PRSS35: variants seen among roughly 807,000 people sequenced by gnomAD.
The protein encoded by PRSS35 is serine protease 35, also known as inactive serine protease 35.
PRSS35 carries 7 observed loss-of-function variants against 8.1 expected under a neutral mutation model. The ratio of observed to expected loss-of-function variants is 0.86; its 90% CI spans 0.49 to 1.62. The LOEUF is 1.62. Among genes scored for constraint, PRSS35 ranks in the 40% most tolerant of loss-of-function variants. The pLI is 0.00. For synonymous variants in PRSS35, 199 were observed against 188.7 expected (o/e 1.05, Z -0.45); for missense variants, 566 against 518.0 (o/e 1.09, Z -0.90).
chr6:83,518,602 AAAAAC>A (rs1298367449), intron 1 of PRSS35, among the ~76,000 whole-genome samples: 1 of 152,244 alleles, frequency 6.6e-6, no homozygotes, highest in African/African-American at 2.4e-5. Context: ...TCCTTGAACG[AAAAAC>A]AAAACAAAGA....
At chr6:83,521,795 C>T (rs1771827044) in intron 1 of PRSS35, among the ~76,000 whole-genome samples, 1 of 152,074 alleles carries the variant, frequency 6.6e-6, no homozygotes, top group African/African-American at 2.4e-5. Flanking sequence ...AGCTACCACA[C>T]CCGGCCTGCT....
In PRSS35 at chr6:83,523,811, G is replaced by T; in HGVS notation, c.370G>T (p.Val124Leu). 6.2e-7 allele frequency: 1 copy of T among 1,614,186 alleles called. No individual in the cohort carries two copies. Among genetic ancestry groups the T allele is most frequent in the Non-Finnish European group, 8.5e-7 (1 of 1,180,042 alleles). The part of the protein sequence containing the change: ...KGVSVRRKRQ[V>L]YGTDSRFSIL... ...AGTATCTGTTAGGAGAAAGAGACAG[G>T]TGTATGGCACCGACAGCAGGTTCAG... Residue 124 changes from valine (V) to leucine (L), a missense_variant, in exon 2 of 2, where the codon GTG becomes TTG. Val to Leu is a conservative substitution (Grantham distance 32). Transcript: ENST00000369700.
chr6:83,517,894 C>T (rs1771751494), intron 1 of PRSS35, among the ~76,000 whole-genome samples: 1 of 152,174 alleles, frequency 6.6e-6, no homozygotes, highest in Admixed American at 6.5e-5. Flanking sequence ...TGAGTAATTC[C>T]TGACCCACAG....
At position 83,524,631 on chromosome 6, in the gene PRSS35, C is replaced by T; in HGVS notation, c.1190C>T (p.Ala397Val). 1 of 1,613,608 alleles carries T rather than the reference C, an allele frequency of 6.2e-7. No homozygotes were observed. Among genetic ancestry groups the T allele is most frequent in the Non-Finnish European group, 8.5e-7 (1 of 1,179,850 alleles). The stretch of plus-strand genomic sequence containing the variant: ...GTTCGCATCACTCCCCTAAAATACG[C>T]CCAGATTTGCCTCTGGATTCACGGG... ...VAVRITPLKY[A>V]QICLWIHGND... is the part of the protein sequence containing the mutation. Residue 397 changes from alanine to valine, a missense_variant, in exon 2 of 2, where the codon GCC becomes GTC. Coordinates refer to ENST00000369700, the MANE Select transcript of PRSS35 (RefSeq NM_153362.3).
Position 83,523,827 on chromosome 6 carries a change from G to T in PRSS35, c.386G>T (p.Ser129Ile). ...RRKRQVYGTD[S>I]RFSILDKRFL... ...AAGAGACAGGTGTATGGCACCGACA[G>T]CAGGTTCAGCATCTTGGACAAAAGG... The change falls in exon 2 of 2, where the codon AGC (serine) becomes ATC (isoleucine). Residue 129 changes from serine to isoleucine, a missense_variant. Coordinates refer to ENST00000369700, the MANE Select transcript of PRSS35 (RefSeq NM_153362.3). The T allele has an allele frequency of 6.2e-7, 1 of 1,614,230 alleles. No homozygotes were observed. Among genetic ancestry groups the T allele is most frequent in the South Asian group, 1.1e-5 (1 of 91,082 alleles).
At chr6:83,515,825 T>C (rs540383973) in intron 1 of PRSS35, among the ~76,000 whole-genome samples, 1 of 103,058 alleles carries the variant, frequency 9.7e-6, no homozygotes, top group African/African-American at 3.2e-5. Flanking sequence ...TACTTCTCTT[T>C]TCTTTTTTTT....
chr6:83,522,736 A>G (rs561431932), intron 1 of PRSS35, among the ~76,000 whole-genome samples: 2 of 152,248 alleles, frequency 1.3e-5, no homozygotes, highest in Middle Eastern at 6.8e-3. Flanking sequence ...TGTGCTATAT[A>G]TTTTCTTTTT....
At chr6:83,521,885 T>C (rs1234841230) in intron 1 of PRSS35, among the ~76,000 whole-genome samples, 3 of 152,188 alleles carry the variant, frequency 2.0e-5, no homozygotes, top group Non-Finnish European at 2.9e-5. Context: ...AATAAATAGG[T>C]TAATGTAGCA....
intron 1 of PRSS35, among the ~76,000 whole-genome samples, chr6:83,520,924 A>C (rs555832868): frequency 6.6e-6 from 1 of 152,162 alleles, no homozygotes; most frequent in Admixed American, 6.5e-5. Flanking sequence ...TCAGATCATT[A>C]GTACCAAGCA....
intron 1 of PRSS35, among the ~76,000 whole-genome samples, chr6:83,518,697 C>T (rs749136274): frequency 2.9e-4 from 44 of 152,136 alleles, no homozygotes; most frequent in Non-Finnish European, 5.6e-4. Flanking sequence ...TAGAAAACTA[C>T]AAGATCTCTA....
rs1055229574 is a variant in PRSS35, at chr6:83,525,611, T to C, written c.*928T>C. On this transcript the variant is annotated 3_prime_UTR_variant, in exon 2 of 2. Coordinates refer to ENST00000369700, the MANE Select transcript of PRSS35 (RefSeq NM_153362.3). Reference sequence around the variant, plus strand: ...CTTTTTCTCCTTGACAAAATCCAGCTTTTGTATGAGGACTATAGGGTGAAT... The same window carrying C: ...CTTTTTCTCCTTGACAAAATCCAGCCTTTGTATGAGGACTATAGGGTGAAT... 6.0e-6 allele frequency: 1 copy of C among 167,116 alleles called. No individual in the cohort carries two copies. Among genetic ancestry groups the C allele is most frequent in the African/African-American group, 2.4e-5 (1 of 41,476 alleles). The allele number at this position is 167,116 out of a possible 1,614,324, so 10.4% of individuals were successfully genotyped here.
rs141429310 is a variant in PRSS35 at position 83,524,220 on chromosome 6, C to G, written c.779C>G (p.Pro260Arg). The change falls in exon 2 of 2, where the codon CCG becomes CGG. Residue 260 changes from proline (P) to arginine (R), a missense_variant. Pro to Arg is a moderately radical substitution (Grantham distance 103). Coordinates refer to ENST00000369700, the MANE Select transcript of PRSS35 (RefSeq NM_153362.3). Reference sequence around the variant, plus strand: ...ACCCGGGTCAAGAATACCCACATTCCGAAGGGCTGGGCACGAGGAGGCATG... The same window carrying G: ...ACCCGGGTCAAGAATACCCACATTCGGAAGGGCTGGGCACGAGGAGGCATG... ...QWTRVKNTHI[P>R]KGWARGGMGD... The G allele has an allele frequency of 1.9e-6, 3 of 1,614,040 alleles. No homozygotes were observed. The highest frequency in any genetic ancestry group is 2.5e-6 in the Non-Finnish European group (3 of 1,180,014).
At chr6:83,517,612 A>G (rs1771747556) in intron 1 of PRSS35, among the ~76,000 whole-genome samples, 1 of 152,174 alleles carries the variant, frequency 6.6e-6, no homozygotes, top group Admixed American at 6.5e-5. Context: ...AGTTATTCAG[A>G]ATCATCTGGC....
In PRSS35 at chr6:83,524,241, G is replaced by T; in HGVS notation, c.800G>T (p.Gly267Val). Residue 267 changes from glycine to valine, a missense_variant, in exon 2 of 2, where the codon GGC (glycine) becomes GTC (valine). By Grantham distance (109) the Gly-to-Val change is moderately radical. Transcript: ENST00000369700. ...ATTCCGAAGGGCTGGGCACGAGGAG[G>T]CATGGGGGACGCTACCTTGGACTAT... ...THIPKGWARG[G>V]MGDATLDYDY... 6.2e-7 allele frequency: 1 copy of T among 1,614,176 alleles called. No individual in the cohort carries two copies. Among genetic ancestry groups the T allele is most frequent in the Non-Finnish European group, 8.5e-7 (1 of 1,180,042 alleles).
At chr6:83,515,202 TAGAAATGTTCTAG>T (rs1160824327) in intron 1 of PRSS35, among the ~76,000 whole-genome samples, 7 of 152,230 alleles carry the variant, frequency 4.6e-5, no homozygotes, top group Non-Finnish European at 1.0e-4. Context: ...GAAGAAATCT[TAGAAATGTTCTAG>T]TCCAACTCAA....
intron 1 of PRSS35, among the ~76,000 whole-genome samples, chr6:83,517,412 G>A (rs1771743507): frequency 6.6e-6 from 1 of 152,140 alleles, no homozygotes; most frequent in African/African-American, 2.4e-5. Context: ...AGTGGATCAG[G>A]AATTAGTTTT....
Position 83,524,094 on chromosome 6 carries a change from G to T in PRSS35, c.653G>T (p.Gly218Val), listed in dbSNP as rs1315704508. The part of the protein sequence containing the change: ...REASGGDQRE[G>V]TREHLRERAK... ...GCTAGTGGTGGTGACCAAAGAGAGG[G>T]TACCAGAGAGCATCTGCGGGAGAGA... The change falls in exon 2 of 2, where the codon GGT (glycine) becomes GTT (valine). Residue 218 changes from glycine to valine, a missense_variant. Transcript: ENST00000369700. 2.5e-6 allele frequency: 4 copies of T among 1,613,972 alleles called. No homozygotes were observed. Among genetic ancestry groups the T allele is most frequent in the African/African-American group, 2.7e-5 (2 of 75,024 alleles).
intron 1 of PRSS35, among the ~76,000 whole-genome samples, chr6:83,519,137 C>A (rs191235139): frequency 6.6e-6 from 1 of 152,138 alleles, no homozygotes; most frequent in Admixed American, 6.5e-5. Flanking sequence ...AGTGTGGTCA[C>A]TTCTATTAAT....
At chr6:83,518,304 CA>C (rs1199273121) in intron 1 of PRSS35, among the ~76,000 whole-genome samples, 1 of 152,076 alleles carries the variant, frequency 6.6e-6, no homozygotes, top group Non-Finnish European at 1.5e-5. Context: ...TAGACTCACT[CA>C]AAAAGTTGTT....
Sources: allele counts gnomAD v4.1 joint callset (sites outside exome capture counted in the v4.1 genomes callset), GRCh38; gene constraint gnomAD v4.1.1; transcripts MANE v1.5; gene names NCBI Gene and HGNC (gene_info 2026-07-23, HGNC 2026-07-21).